Variants in NFIB observed in about 807,000 individuals in gnomAD.
NFIB encodes nuclear factor 1 B-type.
NFIB carries 11 observed loss-of-function variants against 61.5 expected under a neutral mutation model. The ratio of observed to expected loss-of-function variants is 0.18; its 90% CI spans 0.11 to 0.30. The LOEUF (loss-of-function observed/expected upper bound fraction) is 0.30. Ranked by LOEUF, NFIB falls within the 10% of genes least tolerant of loss-of-function variation. The pLI is 1.00. For synonymous variants in NFIB, 260 were observed against 216.5 expected, an observed-to-expected ratio of 1.20 and a Z score of -1.76; for missense variants, 471 against 608.9, an observed-to-expected ratio of 0.77 and a Z score of 2.38.
chr9:14,487,551 C>T, the NFIB span, among the ~76,000 whole-genome samples: 2 of 152,124 alleles, frequency 1.3e-5, no homozygotes, highest in Non-Finnish European at 2.9e-5. Context: ...GACCCCACCC[C>T]CAAATTCCTA....
chr9:14,245,383 A>T (rs945912532), intron 2 of NFIB, among the ~76,000 whole-genome samples: 1 of 152,010 alleles, frequency 6.6e-6, no homozygotes, highest in Non-Finnish European at 1.5e-5. Flanking sequence ...TAGCTTGGTT[A>T]TGTTCAACAA....
chr9:14,172,315 G>A (rs1224463874), intron 3 of NFIB, among the ~76,000 whole-genome samples: 1 of 152,084 alleles, frequency 6.6e-6, no homozygotes, highest in African/African-American at 2.4e-5. Flanking sequence ...GAAATAAGTT[G>A]GTAGGTAGGA....
intron 1 of NFIB, among the ~76,000 whole-genome samples, chr9:14,366,079 T>A (rs1482654661): frequency 6.6e-6 from 1 of 152,142 alleles, no homozygotes; most frequent in Non-Finnish European, 1.5e-5. Flanking sequence ...ACGCTCCTGA[T>A]CAAAGTCTAC....
Position 14,386,918 on chromosome 9 carries a change from C to T in NFIB, c.108+11606G>A, listed in dbSNP as rs369953021. 3.3e-5 allele frequency among the ~76,000 whole-genome samples: 5 copies of T among 152,274 alleles called. No individual in the cohort carries two copies. The East Asian group carries it at 5.8e-4, about 18-fold the overall frequency. ...TAGAAAATGCTCATTAAAGGAAAGT[C>T]GGTTGCATTTTTAATTGCAAGACTT... is the stretch of plus-strand genomic sequence containing the variant. On this transcript the variant is annotated intron_variant, in intron 1 of 8. Coordinates refer to the NFIB transcript ENST00000380934.
chr9:14,492,253 C>G, the NFIB span, among the ~76,000 whole-genome samples: 1 of 151,998 alleles, frequency 6.6e-6, no homozygotes, highest in South Asian at 2.1e-4. Context: ...GTCCCAGCTA[C>G]TCGGGAGGCT....
At chr9:14,495,445 A>ATTTTTTTTTTTTTTTTTTTTT in the NFIB span, among the ~76,000 whole-genome samples, 15 of 98,078 alleles carry the variant, frequency 1.5e-4, no homozygotes, top group African/African-American at 6.5e-4. Flanking sequence ...AGAGAAATGA[A>ATTTTTTTTTTTTTTTTTTTTT]CTTTTTTTTT....
At chr9:14,295,675 A>G (rs1340729302) in intron 2 of NFIB, among the ~76,000 whole-genome samples, 1 of 152,030 alleles carries the variant, frequency 6.6e-6, no homozygotes, top group African/African-American at 2.4e-5. Flanking sequence ...GCACTATCCC[A>G]TCTAGCCACA....
chr9:14,386,774 G>T (rs777868777), intron 1 of NFIB, among the ~76,000 whole-genome samples: 13 of 152,194 alleles, frequency 8.5e-5, no homozygotes, highest in Non-Finnish European at 1.3e-4. Context: ...CAGCCTTGGA[G>T]ACTGGAGGGG....
At chr9:14,375,340 C>T (rs1220495504) in intron 1 of NFIB, among the ~76,000 whole-genome samples, 1 of 152,146 alleles carries the variant, frequency 6.6e-6, no homozygotes, top group Non-Finnish European at 1.5e-5. Context: ...TAGTTAGTTC[C>T]TTTTAAGGAG....
At chr9:14,392,376 C>T (rs891931534) in intron 1 of NFIB, among the ~76,000 whole-genome samples, 1 of 152,138 alleles carries the variant, frequency 6.6e-6, no homozygotes, top group Admixed American at 6.5e-5. Flanking sequence ...GGAGGGTATA[C>T]AGAAAACCTT....
chr9:14,359,565 C>T lies in NFIB; in HGVS notation c.108+38959G>A, dbSNP rs1357825780. ...ACCTTGACTTTGGACTAGTGGCCTC[C>T]ATAAATGTGAGATAATCAATTTCTT... On this transcript the variant is annotated intron_variant, in intron 1 of 8. Coordinates refer to the NFIB transcript ENST00000380934. 5.9e-5 allele frequency among the ~76,000 whole-genome samples: 9 copies of T among 152,142 alleles called. No homozygotes were observed. The South Asian group carries it at 1.9e-3, about 32-fold the overall frequency.
intron 1 of NFIB, among the ~76,000 whole-genome samples, chr9:14,339,135 A>C (rs2060920217): frequency 6.6e-6 from 1 of 152,218 alleles, no homozygotes; most frequent in Admixed American, 6.5e-5. Flanking sequence ...ATCTGTAGCA[A>C]GTATCCTGTC....
At chr9:14,308,036 A>G (rs2060105230) in intron 1 of NFIB, 1 of 153,048 alleles carries the variant, frequency 6.5e-6, no homozygotes, top group East Asian at 1.9e-4. Context: ...CACAAAGCAT[A>G]TAGATGCTCA....
intron 5 of NFIB, among the ~76,000 whole-genome samples, chr9:14,148,864 A>G (rs1433567744): frequency 6.6e-6 from 1 of 152,224 alleles, no homozygotes; most frequent in African/African-American, 2.4e-5. Flanking sequence ...GTTAGACCTT[A>G]CATTTTAACT....
At chr9:14,218,050 T>C (rs888739714) in intron 2 of NFIB, among the ~76,000 whole-genome samples, 51 of 152,302 alleles carry the variant, frequency 3.3e-4, no homozygotes, top group African/African-American at 1.1e-3. Context: ...TGGGAGTTCC[T>C]GTATTACTCT....
At chr9:14,457,415 G>T in the NFIB span, among the ~76,000 whole-genome samples, 3 of 152,136 alleles carry the variant, frequency 2.0e-5, no homozygotes, top group African/African-American at 7.2e-5. Context: ...AAGCAGGAAA[G>T]ATCTAAAATT....
chr9:14,472,350 A>G, the NFIB span, among the ~76,000 whole-genome samples: 1 of 152,206 alleles, frequency 6.6e-6, no homozygotes, highest in Non-Finnish European at 1.5e-5. Flanking sequence ...ACCAGTGTCC[A>G]TCTACAAAAT....
chr9:14,419,653 T>A, the NFIB span, among the ~76,000 whole-genome samples: 1 of 152,166 alleles, frequency 6.6e-6, no homozygotes, highest in East Asian at 1.9e-4. Flanking sequence ...TCTTCAGACA[T>A]TTCAGTATGG....
chr9:14,323,673 A>C (rs571642623), intron 1 of NFIB, among the ~76,000 whole-genome samples: 6 of 152,334 alleles, frequency 3.9e-5, no homozygotes, highest in Admixed American at 2.0e-4. Flanking sequence ...AATTATTCTT[A>C]TCTCTCTACT....
Sources: gnomAD v4.1 joint callset for allele counts (sites outside exome capture counted in the v4.1 genomes callset) on GRCh38, gnomAD v4.1.1 for gene constraint, MANE v1.5 for transcripts, NCBI Gene and HGNC (gene_info 2026-07-23, HGNC 2026-07-21) for gene names.